AP3B1: variants seen among roughly 807,000 people sequenced by gnomAD.
AP3B1 encodes adaptor related protein complex 3 subunit beta 1, also known as AP-3 complex subunit beta-1.
In AP3B1, 61 loss-of-function variants were observed where a neutral mutation model predicts 132.5. The observed-to-expected ratio is 0.46, with a 90% CI of 0.37 to 0.57. The LOEUF is 0.57. AP3B1 is among the 20% of genes least tolerant of loss of function. AP3B1 has a pLI of 0.00. For synonymous variants in AP3B1, 388 were observed against 438.3 expected, an observed-to-expected ratio of 0.89 and a Z score of 1.43; for missense variants, 1,120 against 1,289.4, an observed-to-expected ratio of 0.87 and a Z score of 2.01.
intron 22 of AP3B1, among the ~76,000 whole-genome samples, chr5:78,046,200 G>A (rs987838921): frequency 2.6e-5 from 4 of 152,164 alleles, no homozygotes; most frequent in South Asian, 2.1e-4. Flanking sequence ...TCAGGAATCC[G>A]GCCGCACAGC....
intron 15 of AP3B1, among the ~76,000 whole-genome samples, chr5:78,135,354 T>G (rs74556672): frequency 6.6e-6 from 1 of 152,142 alleles, no homozygotes; most frequent in Non-Finnish European, 1.5e-5. Context: ...GTAGAATATC[T>G]ACTTATGTAA....
At chr5:78,154,460 A>G (rs1239101003) in intron 14 of AP3B1, among the ~76,000 whole-genome samples, 1 of 151,932 alleles carries the variant, frequency 6.6e-6, no homozygotes, top group East Asian at 1.9e-4. Context: ...AAGTTCTATA[A>G]CCTTCTTGTA....
At chr5:78,082,859 A>C (rs1580323352) in intron 22 of AP3B1, among the ~76,000 whole-genome samples, 1 of 151,890 alleles carries the variant, frequency 6.6e-6, no homozygotes, top group Non-Finnish European at 1.5e-5. Flanking sequence ...CTTGTTGCTC[A>C]AGCTGGAGTG....
chr5:78,120,546 G>C (rs1271461800), intron 17 of AP3B1, among the ~76,000 whole-genome samples: 30 of 152,164 alleles, frequency 2.0e-4, no homozygotes, highest in Admixed American at 1.3e-3. Context: ...TGCAATCCTA[G>C]TCTCAGATAA....
chr5:78,113,678 A>G, intron 19 of AP3B1, 74 bp downstream of exon 19: 1 of 1,534,628 alleles, frequency 6.5e-7, no homozygotes, highest in South Asian at 1.1e-5. Flanking sequence ...TTTTTTGATT[A>G]ATAAGAAACA....
chr5:78,181,597 A>G lies in AP3B1; in HGVS notation c.852T>C (p.Thr284=). 1 of 1,612,304 alleles carries G rather than the reference A, an allele frequency of 6.2e-7. No individual in the cohort carries two copies. The highest frequency in any genetic ancestry group is 8.5e-7 in the Non-Finnish European group (1 of 1,179,188). Residue 284 remains threonine, a synonymous_variant, in exon 8 of 27, where the codon ACT becomes ACC. Transcript: ENST00000255194. ...YESDDDQKEK[T]DKKKKPYTMD... ...TAGTATACGGCTTCTTCTTTTTGTC[A>G]GTCTTTTCCTTCTGATCATCATCAG...
In AP3B1 at chr5:78,110,684, C is replaced by CTGTGTGTGTG. The variant is rs144921350; in HGVS notation, c.2250-340_2250-331dup. 9.9e-4 allele frequency among the ~76,000 whole-genome samples: 142 copies of CTGTGTGTGTG among 143,556 alleles called. 1 individual carries two copies. Among genetic ancestry groups the CTGTGTGTGTG allele is most frequent in the African/African-American group, 3.3e-3 (127 of 38,900 alleles). The allele number at this position is 143,556 out of a possible 152,430, so 94.2% of individuals were successfully genotyped here. ...AAAACGCTATCTCAAAATACTGTGC[C>CTGTGTGTGTG]TGTGTGTGTGTGTGTGTGTGTGTGT... On this transcript the variant is annotated intron_variant, in intron 19 of 26. Coordinates refer to ENST00000255194, the MANE Select transcript of AP3B1 (RefSeq NM_003664.5).
intron 13 of AP3B1, among the ~76,000 whole-genome samples, chr5:78,160,170 C>T (rs1345520626): frequency 2.0e-5 from 3 of 152,026 alleles, no homozygotes; most frequent in African/African-American, 7.2e-5. Context: ...AGATAGGAAC[C>T]TTTTATAAGT....
intron 26 of AP3B1, among the ~76,000 whole-genome samples, chr5:78,004,386 G>A (rs1746309665): frequency 6.6e-6 from 1 of 152,130 alleles, no homozygotes; most frequent in Non-Finnish European, 1.5e-5. Flanking sequence ...AGTTTATCAG[G>A]AGACACTCAG....
intron 18 of AP3B1, among the ~76,000 whole-genome samples, chr5:78,114,626 T>C (rs746163179): frequency 1.3e-5 from 2 of 152,228 alleles, no homozygotes; most frequent in Non-Finnish European, 2.9e-5. Flanking sequence ...ATTTTTACTA[T>C]TTAAAATGAC....
intron 14 of AP3B1, among the ~76,000 whole-genome samples, chr5:78,155,667 C>A (rs1256014089): frequency 6.6e-6 from 1 of 151,688 alleles, no homozygotes; most frequent in Non-Finnish European, 1.5e-5. Context: ...AAGGCAAATC[C>A]ATAAAGATAA....
intron 14 of AP3B1, among the ~76,000 whole-genome samples, chr5:78,144,686 C>A (rs1753308384): frequency 6.6e-6 from 1 of 152,050 alleles, no homozygotes; most frequent in South Asian, 2.1e-4. Context: ...GGCATCTGGG[C>A]AACAAGGATA....
At chr5:78,049,008 A>C (rs1249356321) in intron 22 of AP3B1, among the ~76,000 whole-genome samples, 1 of 152,220 alleles carries the variant, frequency 6.6e-6, no homozygotes, top group Non-Finnish European at 1.5e-5. Context: ...AACCATATGT[A>C]TCTGCCATAT....
chr5:78,149,396 T>C (rs1402432655), intron 14 of AP3B1, among the ~76,000 whole-genome samples: 4 of 152,252 alleles, frequency 2.6e-5, no homozygotes, highest in Admixed American at 2.6e-4. Context: ...CTATTAAAAA[T>C]TAATAATTTA....
intron 22 of AP3B1, among the ~76,000 whole-genome samples, chr5:78,063,179 A>G (rs1317037539): frequency 6.6e-6 from 1 of 152,216 alleles, no homozygotes; most frequent in Non-Finnish European, 1.5e-5. Context: ...CCCACAATGT[A>G]TACATAAAGC....
At chr5:78,019,699 A>C (rs1049926656) in intron 25 of AP3B1, among the ~76,000 whole-genome samples, 1 of 152,122 alleles carries the variant, frequency 6.6e-6, no homozygotes, top group African/African-American at 2.4e-5. Context: ...TAATTTATGG[A>C]CTTGTATGAG....
intron 14 of AP3B1, among the ~76,000 whole-genome samples, chr5:78,153,384 G>A (rs1753750838): frequency 2.0e-5 from 3 of 150,546 alleles, no homozygotes; most frequent in African/African-American, 7.3e-5. Context: ...CTCTTTTTTG[G>A]TTTCTACCAG....
At chr5:78,233,423 C>T (rs1258977896) in intron 3 of AP3B1, among the ~76,000 whole-genome samples, 4 of 151,694 alleles carry the variant, frequency 2.6e-5, no homozygotes, top group Admixed American at 6.6e-5. Context: ...TAGTAGAGAA[C>T]GGGGTTTCAT....
At chr5:78,043,569 C>G in intron 22 of AP3B1, 1 of 459,626 alleles carries the variant, frequency 2.2e-6, no homozygotes, top group South Asian at 1.8e-5. Context: ...ACCTTCCTCT[C>G]TTCTAAGTAC....
Sources: gnomAD v4.1 joint callset for allele counts (sites outside exome capture counted in the v4.1 genomes callset) on GRCh38, gnomAD v4.1.1 for gene constraint, MANE v1.5 for transcripts, NCBI Gene and HGNC (gene_info 2026-07-23, HGNC 2026-07-21) for gene names.